DLGAP4: variants seen among roughly 807,000 people sequenced by gnomAD.
DLGAP4 encodes the protein disks large-associated protein 4.
DLGAP4 carries 18 observed loss-of-function variants against 86.9 expected under a neutral mutation model. The ratio of observed to expected loss-of-function variants is 0.21; its 90% CI spans 0.14 to 0.31. The LOEUF (loss-of-function observed/expected upper bound fraction) is 0.31, where lower values mean the gene tolerates loss of function less well. Among genes scored for constraint, DLGAP4 ranks in the 10% least tolerant of loss-of-function variants. DLGAP4 has a pLI of 1.00. For missense variants in DLGAP4, 1,085 were observed against 1,362.6 expected (o/e 0.80, Z 3.21); for synonymous variants, 548 against 574.3 (o/e 0.95, Z 0.65).
intron 1 of DLGAP4, among the ~76,000 whole-genome samples, chr20:36,360,866 A>G (rs2030494964): frequency 6.6e-6 from 1 of 151,448 alleles, no homozygotes; most frequent in African/African-American, 2.4e-5. Flanking sequence ...TTTAGGGGAG[A>G]AGGGGATGAG....
intron 2 of DLGAP4, among the ~76,000 whole-genome samples, chr20:36,397,169 A>C (rs1389839740): frequency 8.6e-5 from 13 of 151,978 alleles, no homozygotes. Flanking sequence ...GCAGCCCTGT[A>C]CTCCCTTGCC....
chr20:36,484,226 T>C (rs2035311076), intron 7 of DLGAP4, among the ~76,000 whole-genome samples: 1 of 152,198 alleles, frequency 6.6e-6, no homozygotes, highest in Non-Finnish European at 1.5e-5. Context: ...AAGTGCTTCA[T>C]GCTAGGCCAG....
intron 7 of DLGAP4, among the ~76,000 whole-genome samples, chr20:36,470,402 A>C (rs1224002337): frequency 6.6e-6 from 1 of 151,970 alleles, no homozygotes; most frequent in African/African-American, 2.4e-5. Flanking sequence ...GACATTTCAA[A>C]ATCTGTGTGC....
At chr20:36,348,654 T>C (rs1464747657) in intron 1 of DLGAP4, among the ~76,000 whole-genome samples, 1 of 152,020 alleles carries the variant, frequency 6.6e-6, no homozygotes, top group Non-Finnish European at 1.5e-5. Flanking sequence ...CCTGACCTTG[T>C]GATCCGCCCA....
At chr20:36,325,954 G>A (rs1014191997) in intron 1 of DLGAP4, among the ~76,000 whole-genome samples, 4 of 152,048 alleles carry the variant, frequency 2.6e-5, no homozygotes, top group Non-Finnish European at 5.9e-5. Context: ...CTGACCTCAG[G>A]TGATCCTCCC....
chr20:36,393,339 T>C lies in DLGAP4; in HGVS notation c.-73+26064T>C, dbSNP rs968249330. 2.6e-5 allele frequency among the ~76,000 whole-genome samples: 4 copies of C among 152,042 alleles called. No individual in the cohort carries two copies. The highest frequency in any genetic ancestry group is 9.7e-5 in the African/African-American group (4 of 41,376). On this transcript the variant is annotated intron_variant, in intron 2 of 12. Coordinates refer to ENST00000339266, the MANE Select transcript of DLGAP4 (RefSeq NM_001365621.2). This position sits in a 1 kb window ranked among gnomAD's most constrained non-coding sequence, Gnocchi z 4.4. ...TGGGTGAGAACCCCAAGCTCTACAC[T>C]CCCTCGCTGTGTGGCCTAGGGTCTC...
Position 36,467,069 on chromosome 20 carries a change from C to CCG in DLGAP4, c.1648+20133_1648+20134insGC, listed in dbSNP as rs1326007871. On this transcript the variant is annotated intron_variant, in intron 7 of 12. Transcript: ENST00000339266. ...CTCTCTCTCTCTCTCTCTCTCCCCC[C>CCG]CCCTTCTCTCGGCCCTGCCTTCCTA... Among the ~76,000 whole-genome samples the CCG allele has an allele frequency of 7.7e-5, 10 of 129,348 alleles. 1 individual carries two copies. Among genetic ancestry groups the CCG allele is most frequent in the African/African-American group, 3.7e-4 (10 of 27,348 alleles). 84.9% of individuals were successfully genotyped at this position (129,348 alleles called of 152,430 possible). A position where few individuals can be genotyped will look rare whatever the true frequency, so the allele number is the denominator to read the frequency against.
At chr20:36,488,066 G>GGC (rs1278979397) in intron 7 of DLGAP4, among the ~76,000 whole-genome samples, 1 of 151,988 alleles carries the variant, frequency 6.6e-6, no homozygotes, top group Non-Finnish European at 1.5e-5. Context: ...CGGGCATGGT[G>GGC]GCGCGCGCCT....
intron 2 of DLGAP4, among the ~76,000 whole-genome samples, chr20:36,397,749 C>A (rs190086326): frequency 6.6e-6 from 1 of 152,170 alleles, no homozygotes; most frequent in African/African-American, 2.4e-5. Flanking sequence ...AAATTTCAAA[C>A]GTATGGGTAA....
At chr20:36,433,326 G>A (rs544508398) in intron 3 of DLGAP4, among the ~76,000 whole-genome samples, 76 of 152,346 alleles carry the variant, frequency 5.0e-4, no homozygotes, top group African/African-American at 1.7e-3. Context: ...GGCCCAGGGG[G>A]TCCTAACCCA....
chr20:36,405,919 C>T (rs577561809), intron 2 of DLGAP4, among the ~76,000 whole-genome samples: 11 of 152,098 alleles, frequency 7.2e-5, no homozygotes, highest in South Asian at 6.2e-4. Context: ...TGGGGTGCAG[C>T]GATGCTTCTT....
At chr20:36,451,796 T>C (rs1198697288) in intron 7 of DLGAP4, among the ~76,000 whole-genome samples, 1 of 151,606 alleles carries the variant, frequency 6.6e-6, no homozygotes, top group Non-Finnish European at 1.5e-5. Context: ...GTTTCGCTCT[T>C]GTTGCCCAGG....
intron 1 of DLGAP4, among the ~76,000 whole-genome samples, chr20:36,333,301 C>T (rs1479948387): frequency 6.6e-6 from 1 of 152,176 alleles, no homozygotes; most frequent in Non-Finnish European, 1.5e-5. Context: ...GTGTGCTTGA[C>T]ATTTTTCATA....
intron 1 of DLGAP4, among the ~76,000 whole-genome samples, chr20:36,328,813 A>G (rs368600481): frequency 2.0e-4 from 29 of 146,894 alleles, no homozygotes; most frequent in African/African-American, 5.3e-4. Flanking sequence ...GTCTCTCTCT[A>G]TTATCCAGAT....
At chr20:36,366,921 G>C (rs186735481) in intron 1 of DLGAP4, 124 bp from the exon 2 acceptor site, 1 of 152,330 alleles carries the variant, frequency 6.6e-6, no homozygotes, top group East Asian at 1.9e-4. Flanking sequence ...GCAAACACTT[G>C]GGTTTCTATG....
chr20:36,418,731 C>G (rs2032736993), intron 2 of DLGAP4, among the ~76,000 whole-genome samples: 1 of 152,180 alleles, frequency 6.6e-6, no homozygotes, highest in Admixed American at 6.5e-5. Flanking sequence ...TGGGAATTCA[C>G]TTCTCATGGT....
intron 10 of DLGAP4, among the ~76,000 whole-genome samples, chr20:36,515,561 T>TG (rs1251580366): frequency 6.6e-6 from 1 of 152,206 alleles, no homozygotes; most frequent in Non-Finnish European, 1.5e-5. Flanking sequence ...CATGTTATTT[T>TG]GGGGGATTTG....
intron 1 of DLGAP4, among the ~76,000 whole-genome samples, chr20:36,322,873 C>T (rs1555890681): frequency 6.6e-6 from 1 of 152,076 alleles, no homozygotes; most frequent in Non-Finnish European, 1.5e-5. Flanking sequence ...CCACTAAGGT[C>T]AAGATGCAGG....
chr20:36,492,876 T>C (rs1057326949), intron 7 of DLGAP4: 3 of 152,158 alleles, frequency 2.0e-5, no homozygotes, highest in Non-Finnish European at 4.4e-5. Flanking sequence ...TTTCCTGAAA[T>C]CCTCAGTGAG....
Sources: allele counts gnomAD v4.1 joint callset (sites outside exome capture counted in the v4.1 genomes callset), GRCh38; gene constraint gnomAD v4.1.1; non-coding constraint Gnocchi (gnomAD v3.1); transcripts MANE v1.5; gene names NCBI Gene and HGNC (gene_info 2026-07-23, HGNC 2026-07-21).